TRMT11: variants seen among roughly 807,000 people sequenced by gnomAD.
TRMT11 encodes tRNA (guanine(10)-N(2))-methyltransferase TRMT11.
A neutral mutation model predicts 62.8 loss-of-function variants in TRMT11; 53 were observed. The ratio of observed to expected loss-of-function variants is 0.84; its 90% CI spans 0.68 to 1.06. The LOEUF is 1.06. TRMT11 is among the 50% of genes least tolerant of loss of function. The probability of loss-of-function intolerance (pLI) is 0.00; values close to 1 mark genes in which losing one functional copy is unlikely to be tolerated. For synonymous variants in TRMT11, 188 were observed against 190.3 expected, an observed-to-expected ratio of 0.99 and a Z score of 0.10; for missense variants, 556 against 553.4, an observed-to-expected ratio of 1.00 and a Z score of -0.05.
intron 16 of TRMT11, among the ~76,000 whole-genome samples, chr6:126,046,807 C>T (rs1776073943): frequency 6.6e-6 from 1 of 152,148 alleles, no homozygotes; most frequent in Non-Finnish European, 1.5e-5. Flanking sequence ...ATTTAATGCA[C>T]CGTTGTTCTT....
chr6:126,053,496 T>C (rs916673279), intron 17 of TRMT11, among the ~76,000 whole-genome samples: 7 of 152,232 alleles, frequency 4.6e-5, no homozygotes, highest in African/African-American at 1.7e-4. Flanking sequence ...TAATCACTTT[T>C]GGGCCAGGTA....
chr6:126,038,446 A>AAAG (rs1554229969), intron 12 of TRMT11, among the ~76,000 whole-genome samples: 1 of 150,426 alleles, frequency 6.6e-6, no homozygotes, highest in African/African-American at 2.4e-5. Context: ...GCAAAAAAAA[A>AAAG]AAAAAAAGAA....
chr6:126,041,008 T>C (rs6900796), downstream of TRMT11, among the ~76,000 whole-genome samples: 88,801 of 151,924 alleles, frequency 0.58, 27,707 homozygotes, highest in East Asian at 0.94. Context: ...TTGCCACTGA[T>C]TTCCTTATGA....
At chr6:126,084,777 C>G (rs2128160436) in intron 17 of TRMT11, among the ~76,000 whole-genome samples, 1 of 152,140 alleles carries the variant, frequency 6.6e-6, no homozygotes, top group Middle Eastern at 3.4e-3. Flanking sequence ...AAAATCCTAC[C>G]AGTTGTGGCA....
chr6:126,261,983 G>C, the TRMT11 span, among the ~76,000 whole-genome samples: 1 of 152,206 alleles, frequency 6.6e-6, no homozygotes, highest in Admixed American at 6.5e-5. Flanking sequence ...ATTGTGCCAG[G>C]CATGGGTTTG....
At chr6:126,240,015 G>C in the TRMT11 span, among the ~76,000 whole-genome samples, 2 of 151,996 alleles carry the variant, frequency 1.3e-5, no homozygotes, top group African/African-American at 2.4e-5. Context: ...ACTGAGGCTT[G>C]TGCATTTGTC....
In TRMT11 at chr6:126,118,964, G is replaced by T. The variant is rs1334786784; in HGVS notation, c.*1823+3109G>T. Among the ~76,000 whole-genome samples, 3 of 152,086 alleles carry T rather than the reference G, an allele frequency of 2.0e-5. No homozygotes were observed. In the South Asian group the frequency reaches 6.2e-4, roughly 32 times the overall value. ...GCCAAATCTCTTTTATAAACATTTC[G>T]TTAGCTAGGTAGGATTTTTATATAC... On this transcript the variant is annotated intron_variant and NMD_transcript_variant, in intron 21 of 22. Coordinates refer to the TRMT11 transcript ENST00000648977.
At chr6:126,061,099 G>A (rs1215307863) in intron 17 of TRMT11, among the ~76,000 whole-genome samples, 4 of 152,232 alleles carry the variant, frequency 2.6e-5, no homozygotes, top group African/African-American at 4.8e-5. Context: ...AGATCCCCAC[G>A]GGAGCAGAGT....
chr6:126,243,430 A>G, the TRMT11 span, among the ~76,000 whole-genome samples: 1 of 152,228 alleles, frequency 6.6e-6, no homozygotes, highest in Non-Finnish European at 1.5e-5. Flanking sequence ...CCATCCCATT[A>G]CTGGGTATAT....
intron 17 of TRMT11, among the ~76,000 whole-genome samples, chr6:126,101,084 C>G (rs1777394416): frequency 6.6e-6 from 1 of 152,116 alleles, no homozygotes; most frequent in South Asian, 2.1e-4. Flanking sequence ...GTTATAAATA[C>G]AGATGAAGCA....
chr6:126,203,919 T>TTGTGTGTGTGTG (rs71680476), downstream of TRMT11, among the ~76,000 whole-genome samples: 10 of 144,490 alleles, frequency 6.9e-5, no homozygotes, highest in South Asian at 2.3e-4. Flanking sequence ...GATCATCATT[T>TTGTGTGTGTGTG]TGTGTGTGTG....
intron 21 of TRMT11, among the ~76,000 whole-genome samples, chr6:126,135,328 T>C (rs764612282): frequency 1.5e-4 from 23 of 151,502 alleles, no homozygotes; most frequent in Non-Finnish European, 2.7e-4. Flanking sequence ...AGCACAGAAA[T>C]ACAAAGGATC....
At chr6:126,069,363 C>T (rs1393269362) in intron 17 of TRMT11, among the ~76,000 whole-genome samples, 1 of 152,246 alleles carries the variant, frequency 6.6e-6, no homozygotes, top group Non-Finnish European at 1.5e-5. Flanking sequence ...TGACTGTGCC[C>T]TGCATTATCT....
chr6:126,034,009 C>T (rs1483214938), intron 12 of TRMT11, among the ~76,000 whole-genome samples: 1 of 152,000 alleles, frequency 6.6e-6, no homozygotes, highest in Non-Finnish European at 1.5e-5. Flanking sequence ...TATGTGCTAC[C>T]ATAATGTTGC....
chr6:126,249,171 C>A, the TRMT11 span, among the ~76,000 whole-genome samples: 1 of 151,966 alleles, frequency 6.6e-6, no homozygotes, highest in Non-Finnish European at 1.5e-5. Context: ...CAAATTAGAA[C>A]AGGGAGTATG....
chr6:126,158,056 G>C (rs977038790), intron 21 of TRMT11, among the ~76,000 whole-genome samples: 26 of 151,808 alleles, frequency 1.7e-4, no homozygotes, highest in African/African-American at 6.3e-4. Context: ...TAATAATTAT[G>C]CTATATAACA....
the TRMT11 span, among the ~76,000 whole-genome samples, chr6:126,220,278 T>C: frequency 6.6e-6 from 1 of 152,224 alleles, no homozygotes; most frequent in South Asian, 2.1e-4. Flanking sequence ...AACAAAAAAT[T>C]GGTCTACTGC....
At chr6:126,112,113 G>A (rs1777539049) in intron 17 of TRMT11, among the ~76,000 whole-genome samples, 1 of 152,098 alleles carries the variant, frequency 6.6e-6, no homozygotes, top group South Asian at 2.1e-4. Context: ...ATATTCTGCA[G>A]AAGATTTGCT....
chr6:126,035,874 A>G (rs1313886199), intron 12 of TRMT11, among the ~76,000 whole-genome samples: 1 of 152,052 alleles, frequency 6.6e-6, no homozygotes, highest in Non-Finnish European at 1.5e-5. Context: ...TCAAAGATAA[A>G]CTATTTTATT....
Sources: gnomAD v4.1 joint callset for allele counts (sites outside exome capture counted in the v4.1 genomes callset) on GRCh38, gnomAD v4.1.1 for gene constraint, MANE v1.5 for transcripts, NCBI Gene and HGNC (gene_info 2026-07-23, HGNC 2026-07-21) for gene names.